Variants in IRF2 observed in about 807,000 individuals in gnomAD.
IRF2 encodes the protein interferon regulatory factor 2.
In IRF2, 15 loss-of-function variants were observed where a neutral mutation model predicts 40.6. The ratio of observed to expected loss-of-function variants is 0.37; its 90% confidence interval spans 0.25 to 0.57. The LOEUF is 0.57. Ranked by LOEUF, IRF2 falls within the 20% of genes least tolerant of loss-of-function variation. IRF2 has a pLI of 0.77. For missense variants in IRF2, 317 were observed against 455.7 expected, an observed-to-expected ratio of 0.70 and a Z score of 2.77; for synonymous variants, 151 against 165.5, an observed-to-expected ratio of 0.91 and a Z score of 0.67.
chr4:184,466,067 G>GT (rs58390493), intron 1 of IRF2, among the ~76,000 whole-genome samples: 5 of 147,260 alleles, frequency 3.4e-5, no homozygotes, highest in East Asian at 2.0e-4. Context: ...TTTGTTTTTT[G>GT]TTTTTTTTTT....
intron 1 of IRF2, among the ~76,000 whole-genome samples, chr4:184,440,216 C>A (rs1218459264): frequency 6.6e-6 from 1 of 152,190 alleles, no homozygotes; most frequent in East Asian, 1.9e-4. Flanking sequence ...ATCTGTCAGA[C>A]CATCCCCATT....
chr4:184,400,446 T>C (rs866472269), intron 6 of IRF2, among the ~76,000 whole-genome samples: 34 of 152,124 alleles, frequency 2.2e-4, no homozygotes, highest in African/African-American at 7.5e-4. Flanking sequence ...GGTGTACCAG[T>C]GTGTTTATTC....
chr4:184,429,815 C>T (rs533349551), intron 1 of IRF2, among the ~76,000 whole-genome samples: 2 of 152,330 alleles, frequency 1.3e-5, no homozygotes, highest in African/African-American at 4.8e-5. Flanking sequence ...CCTTCCTCCG[C>T]CAGTCCACAC....
intron 1 of IRF2, among the ~76,000 whole-genome samples, chr4:184,453,691 G>A (rs767091011): frequency 1.3e-4 from 20 of 152,356 alleles, no homozygotes; most frequent in East Asian, 1.9e-4. Context: ...GAGGAGGCAC[G>A]TGGGAAAAGG....
chr4:184,390,253 C>T (rs4862365), intron 8 of IRF2, among the ~76,000 whole-genome samples: 17,044 of 152,220 alleles, frequency 0.11, 1,075 homozygotes, highest in Non-Finnish European at 0.14. Context: ...CGAGATGGGG[C>T]ACACAACCAG....
At chr4:184,437,813 A>C (rs1345471472) in intron 1 of IRF2, among the ~76,000 whole-genome samples, 2 of 142,508 alleles carry the variant, frequency 1.4e-5, no homozygotes, top group African/African-American at 5.5e-5. Flanking sequence ...GGGTCAGGAC[A>C]GTGGCTATTG....
intron 1 of IRF2, among the ~76,000 whole-genome samples, chr4:184,458,893 T>C (rs966439469): frequency 6.6e-6 from 1 of 152,238 alleles, no homozygotes; most frequent in Non-Finnish European, 1.5e-5. Flanking sequence ...TGGCTTCTCC[T>C]GCTGTCAACA....
In IRF2 at chr4:184,408,066, T is replaced by C. The variant is rs2149896405; in HGVS notation, c.529+92A>G. On this transcript the variant is annotated intron_variant, in intron 6 of 8. Coordinates refer to ENST00000393593, the MANE Select transcript of IRF2 (RefSeq NM_002199.4). This position sits in a 1 kb window ranked among gnomAD's most constrained non-coding sequence, Gnocchi z 4.9. ...AGATGATTCCAAGACCTCCTCCCAC[T>C]GACTATGTTATTTGAAGTTCTCTGT... The C allele has an allele frequency of 5.5e-6, 4 of 724,962 alleles. No homozygotes were observed. The highest frequency in any genetic ancestry group is 1.8e-5 in the African/African-American group (1 of 56,612). 44.9% of individuals were successfully genotyped at this position (724,962 alleles called of 1,614,324 possible).
rs138453853 is a variant in IRF2 at position 184,451,417 on chromosome 4, T to A, written c.-6-22347A>T. ...ATGACTATTCACTGGGCACCCATGA[T>A]GCACTCAGCATTAAACTCTATACAT... On this transcript the variant is annotated intron_variant, in intron 1 of 8. Transcript: ENST00000393593. Among the ~76,000 whole-genome samples, 188 of 152,316 alleles carry A rather than the reference T, an allele frequency of 1.2e-3. 1 individual carries two copies. The highest frequency in any genetic ancestry group is 4.1e-3 in the African/African-American group (171 of 41,564).
intron 8 of IRF2, 33 bp from the exon 9 acceptor site, chr4:184,389,099 T>G: frequency 6.2e-7 from 1 of 1,602,800 alleles, no homozygotes; most frequent in Non-Finnish European, 8.5e-7. Context: ...ATGTATTTCC[T>G]TCTCCTTCTA....
chr4:184,456,138 C>T (rs1486291850), intron 1 of IRF2, among the ~76,000 whole-genome samples: 2 of 152,226 alleles, frequency 1.3e-5, no homozygotes, highest in Admixed American at 1.3e-4. Flanking sequence ...GTCTGACACA[C>T]TGGGTTCGAG....
intron 2 of IRF2, among the ~76,000 whole-genome samples, chr4:184,425,868 G>C (rs1483978439): frequency 6.6e-6 from 1 of 152,182 alleles, no homozygotes; most frequent in Non-Finnish European, 1.5e-5. Context: ...TCCTAAGACT[G>C]TCATGAAAAA....
In IRF2 at chr4:184,418,547, G is replaced by A. The variant is rs2149900059; in HGVS notation, c.349C>T (p.Arg117Trp). Reference sequence around the variant, plus strand: ...ATGCCTTTACCTTTCTTAGAAGGCCGTTCTGATAGGGGCAGCATTCGGTAG... The same window carrying A: ...ATGCCTTTACCTTTCTTAGAAGGCCATTCTGATAGGGGCAGCATTCGGTAG... ...RVYRMLPLSERPSKKGKKPKT... is the reference protein window; with the variant it reads ...RVYRMLPLSEWPSKKGKKPKT... The change falls in exon 4 of 9, where the codon CGG becomes TGG. Residue 117 changes from arginine to tryptophan, a missense_variant. By Grantham distance (101) the Arg-to-Trp change is moderately radical. Around this residue, in one of 2 missense-constraint regions of IRF2, gnomAD observed 262 missense variants for 334.0 expected, o/e 0.78. Coordinates refer to ENST00000393593, the MANE Select transcript of IRF2 (RefSeq NM_002199.4). 3 of 1,614,060 alleles carry A rather than the reference G, an allele frequency of 1.9e-6. No individual in the cohort carries two copies. Among genetic ancestry groups the A allele is most frequent in the Non-Finnish European group, 2.5e-6 (3 of 1,179,944 alleles).
chr4:184,408,249 C>A lies in IRF2; in HGVS notation c.438G>T (p.Gly146=), dbSNP rs146296001. Residue 146 remains glycine, a synonymous_variant, in exon 6 of 9, where the codon GGG becomes GGT. Transcript: ENST00000393593. This position sits in a 1 kb window ranked among gnomAD's most constrained non-coding sequence, Gnocchi z 4.9. The part of the protein sequence containing the change: ...IKQEPVESSL[G]LSNGVSDLSP... Reference sequence around the variant, plus strand: ...AAAGATCACTTACTCCATTACTAAGCCCCAGAGATGACTCAACTGGTTCTT... The same window carrying A: ...AAAGATCACTTACTCCATTACTAAGACCCAGAGATGACTCAACTGGTTCTT... The A allele has an allele frequency of 1.2e-5, 19 of 1,611,892 alleles. No individual in the cohort carries two copies. The highest frequency in any genetic ancestry group is 1.4e-5 in the Non-Finnish European group (17 of 1,178,074).
chr4:184,429,090 G>C lies in IRF2; in HGVS notation c.-6-20C>G. 6.2e-7 allele frequency: 1 copy of C among 1,600,822 alleles called. No individual in the cohort carries two copies. The highest frequency in any genetic ancestry group is 1.1e-5 in the South Asian group (1 of 90,798). ...GGTGCCCTTGAGGGAGAGAAACACA[G>C]CGTCAGGCGTTGGTGCCACTCAGTG... On this transcript the variant is annotated intron_variant, in intron 1 of 8. Transcript: ENST00000393593.
chr4:184,408,130 TA>T lies in IRF2; in HGVS notation c.529+27del. The T allele has an allele frequency of 7.1e-7, 1 of 1,408,650 alleles. No homozygotes were observed. The highest frequency in any genetic ancestry group is 1.0e-6 in the Non-Finnish European group (1 of 995,824). The allele number at this position is 1,408,650 out of a possible 1,614,324, so 87.3% of individuals were successfully genotyped here. A position where few individuals can be genotyped will look rare whatever the true frequency, so the allele number is the denominator to read the frequency against. Reference sequence around the variant, plus strand: ...GGCCCCAGGGGGCTGCTGGTATGTATAAAAAATGAGACGTCAAAACAGTTTA... The same window carrying T: ...GGCCCCAGGGGGCTGCTGGTATGTATAAAAATGAGACGTCAAAACAGTTTA... On this transcript the variant is annotated intron_variant, in intron 6 of 8. Transcript: ENST00000393593. The surrounding 1 kb of genome is among the most constrained non-coding windows in gnomAD (Gnocchi z 4.9).
intron 1 of IRF2, among the ~76,000 whole-genome samples, chr4:184,469,107 C>T (rs1264992983): frequency 6.6e-6 from 1 of 152,164 alleles, no homozygotes; most frequent in Non-Finnish European, 1.5e-5. Context: ...TGTGTTACTA[C>T]ATTTAACAAA....
At chr4:184,416,939 G>A (rs1302754552) in intron 5 of IRF2, among the ~76,000 whole-genome samples, 9 of 152,110 alleles carry the variant, frequency 5.9e-5, no homozygotes, top group African/African-American at 1.4e-4. Flanking sequence ...TCAGCTACTC[G>A]GGAGGTTGAG....
At chr4:184,464,198 C>G (rs1739243802) in intron 1 of IRF2, among the ~76,000 whole-genome samples, 1 of 151,678 alleles carries the variant, frequency 6.6e-6, no homozygotes, top group African/African-American at 2.4e-5. Flanking sequence ...AGGGAATGTA[C>G]AGGACATGAA....
Sources: gnomAD v4.1 joint callset for allele counts (sites outside exome capture counted in the v4.1 genomes callset) on GRCh38, gnomAD v4.1.1 for gene constraint, gnomAD v4.1.1 regional missense constraint, Gnocchi (gnomAD v3.1) non-coding constraint, MANE v1.5 for transcripts, NCBI Gene and HGNC (gene_info 2026-07-23, HGNC 2026-07-21) for gene names.